Variants in CLDN14 observed in about 807,000 individuals in gnomAD.
The protein encoded by CLDN14 is claudin-14.
A neutral mutation model predicts 2.1 loss-of-function variants in CLDN14; 2 were observed. The observed-to-expected ratio is 0.96, with a 90% CI of 0.39 to 3.01. The LOEUF is 3.01. CLDN14 is among the 30% of genes most tolerant of loss of function. The pLI is 0.09. For synonymous variants in CLDN14, 136 were observed against 154.4 expected (o/e 0.88, Z 0.88); for missense variants, 298 against 328.0 (o/e 0.91, Z 0.71).
At chr21:36,472,597 CTG>C (rs1219631869) in intron 1 of CLDN14, among the ~76,000 whole-genome samples, 1 of 152,198 alleles carries the variant, frequency 6.6e-6, no homozygotes, top group Non-Finnish European at 1.5e-5. Flanking sequence ...GAAGGCCAGA[CTG>C]GAACCAGAAA....
At chr21:36,523,781 G>GAGAGAGAGAGAGAGAGAAAGAAAGAA (rs1568868851) in intron 1 of CLDN14, among the ~76,000 whole-genome samples, 7 of 38,342 alleles carry the variant, frequency 1.8e-4, no homozygotes, top group African/African-American at 4.4e-4. Context: ...GAGAGAAAGA[G>GAGAGAGAGAGAGAGAGAAAGAAAGAA]AGAAAGAAAG....
At chr21:36,467,612 T>TG (rs2086662522) in intron 1 of CLDN14, among the ~76,000 whole-genome samples, 2 of 150,270 alleles carry the variant, frequency 1.3e-5, no homozygotes, top group African/African-American at 2.4e-5. Context: ...AAGGCGGTGG[T>TG]GGGGGGTGTC....
rs968366628 is a variant in CLDN14, at chr21:36,551,014, G to C, written c.-220+25397C>G. Reference sequence around the variant, plus strand: ...CACCAGGGGAAGGCCACGTGAAGAGGGAGGCAGAGACTGCAGTGACACAGC... The same window carrying C: ...CACCAGGGGAAGGCCACGTGAAGAGCGAGGCAGAGACTGCAGTGACACAGC... On this transcript the variant is annotated intron_variant, in intron 1 of 2. Transcript: ENST00000342108. The surrounding 1 kb of genome is among the most constrained non-coding windows in gnomAD (Gnocchi z 4.8). Among the ~76,000 whole-genome samples, 2 of 152,218 alleles carry C rather than the reference G, an allele frequency of 1.3e-5. No individual in the cohort carries two copies. The highest frequency in any genetic ancestry group is 2.9e-5 in the Non-Finnish European group (2 of 68,050).
intron 2 of CLDN14, among the ~76,000 whole-genome samples, chr21:36,501,227 A>G (rs2087089197): frequency 6.6e-6 from 1 of 151,412 alleles, no homozygotes. Flanking sequence ...GTATCTGCCC[A>G]GTTTATATCA....
chr21:36,467,394 C>A (rs537594020), intron 1 of CLDN14, among the ~76,000 whole-genome samples: 1 of 152,242 alleles, frequency 6.6e-6, no homozygotes, highest in Admixed American at 6.5e-5. Flanking sequence ...GTCTTGACTG[C>A]CTGGGGTCCC....
chr21:36,508,455 G>A (rs1308341191), intron 2 of CLDN14, among the ~76,000 whole-genome samples: 2 of 152,324 alleles, frequency 1.3e-5, no homozygotes, highest in South Asian at 4.1e-4. Flanking sequence ...TGACCAAGGG[G>A]ATTTGAAAAC....
At position 36,498,687 on chromosome 21, in the gene CLDN14, C is replaced by A. The variant is rs1382658241; in HGVS notation, c.-82+11676G>T. On this transcript the variant is annotated intron_variant, in intron 2 of 2. Coordinates refer to the CLDN14 transcript ENST00000342108. The surrounding 1 kb of genome is among the most constrained non-coding windows in gnomAD (Gnocchi z 4.9). ...AAATGAACATAGGATCTGGCTGTGG[C>A]AGACAGCAGCCTACAGAAAGGTGGG... Among the ~76,000 whole-genome samples the A allele has an allele frequency of 3.3e-5, 5 of 152,170 alleles. No homozygotes were observed. In the East Asian group the frequency reaches 9.6e-4, roughly 29 times the overall value.
chr21:36,549,430 G>A (rs944178797), intron 1 of CLDN14, among the ~76,000 whole-genome samples: 1 of 152,188 alleles, frequency 6.6e-6, no homozygotes, highest in African/African-American at 2.4e-5. Context: ...GAGAAGGAGC[G>A]TGTGGCCCCC....
intron 2 of CLDN14, among the ~76,000 whole-genome samples, chr21:36,504,855 T>C (rs916765167): frequency 6.6e-6 from 1 of 152,148 alleles, no homozygotes; most frequent in African/African-American, 2.4e-5. Context: ...TGGTACCCTG[T>C]ACCCATGAGT....
At chr21:36,476,614 G>A (rs1316649085) in intron 1 of CLDN14, among the ~76,000 whole-genome samples, 1 of 152,160 alleles carries the variant, frequency 6.6e-6, no homozygotes, top group African/African-American at 2.4e-5. Context: ...TACCATGTCT[G>A]GCTAATTTTT....
At chr21:36,493,833 T>C (rs892572783) in intron 2 of CLDN14, among the ~76,000 whole-genome samples, 3 of 152,058 alleles carry the variant, frequency 2.0e-5, no homozygotes, top group Non-Finnish European at 4.4e-5. Flanking sequence ...CACGCTGGGA[T>C]TCCTCACAGC....
upstream of CLDN14, among the ~76,000 whole-genome samples, chr21:36,482,784 C>A (rs184109768): frequency 1.3e-5 from 2 of 152,144 alleles, no homozygotes; most frequent in Non-Finnish European, 2.9e-5. Flanking sequence ...GTGAAAGTCA[C>A]GACGCTTCCA....
intron 1 of CLDN14, among the ~76,000 whole-genome samples, chr21:36,517,337 C>T (rs1266556844): frequency 1.3e-5 from 2 of 152,140 alleles, no homozygotes; most frequent in Non-Finnish European, 2.9e-5. Context: ...CCATAGAGTC[C>T]CAAAGCCTAA....
At chr21:36,465,930 C>T (rs2086640338) in intron 1 of CLDN14, among the ~76,000 whole-genome samples, 1 of 152,104 alleles carries the variant, frequency 6.6e-6, no homozygotes, top group South Asian at 2.1e-4. Flanking sequence ...TTCACAAAAC[C>T]CCAAAAGTAC....
rs371380662 is a variant in CLDN14 at position 36,487,038 on chromosome 21, G to T, written c.-82+23325C>A. Reference sequence around the variant, plus strand: ...CTTGCTCTGTCACCTAGGCTGGTGTGCAATGGCGCAATCTCAGCTCACTGC... The same window carrying T: ...CTTGCTCTGTCACCTAGGCTGGTGTTCAATGGCGCAATCTCAGCTCACTGC... On this transcript the variant is annotated intron_variant, in intron 2 of 2. Coordinates refer to the CLDN14 transcript ENST00000342108. 9.1e-5 allele frequency: 24 copies of T among 264,520 alleles called. No individual in the cohort carries two copies. In the East Asian group the frequency reaches 2.1e-3, roughly 24 times the overall value. The allele number at this position is 264,520 out of a possible 1,614,324, so 16.4% of individuals were successfully genotyped here. A position where few individuals can be genotyped will look rare whatever the true frequency, so the allele number is the denominator to read the frequency against.
intron 1 of CLDN14, among the ~76,000 whole-genome samples, chr21:36,556,787 T>C (rs1184416937): frequency 1.3e-5 from 2 of 152,208 alleles, no homozygotes; most frequent in Non-Finnish European, 2.9e-5. Flanking sequence ...TCTCTCTCTA[T>C]CTTTTGGTGG....
intron 1 of CLDN14, among the ~76,000 whole-genome samples, chr21:36,468,389 C>T (rs2086671792): frequency 6.6e-6 from 1 of 152,034 alleles, no homozygotes; most frequent in Non-Finnish European, 1.5e-5. Flanking sequence ...CCAGCCTGGC[C>T]AACATGATGA....
intron 2 of CLDN14, chr21:36,486,482 CCAAATT>C: frequency 2.6e-6 from 4 of 1,554,622 alleles, no homozygotes; most frequent in Non-Finnish European, 3.6e-6. Flanking sequence ...GGGATCTACT[CCAAATT>C]CAAAGTCACT....
chr21:36,559,101 T>C (rs888724655), intron 1 of CLDN14, among the ~76,000 whole-genome samples: 1 of 152,328 alleles, frequency 6.6e-6, no homozygotes, highest in South Asian at 2.1e-4. Flanking sequence ...CTGTTGAGTA[T>C]GTTAGCTGTA....
Sources: allele counts gnomAD v4.1 joint callset (sites outside exome capture counted in the v4.1 genomes callset), GRCh38; gene constraint gnomAD v4.1.1; non-coding constraint Gnocchi (gnomAD v3.1); transcripts MANE v1.5; gene names NCBI Gene and HGNC (gene_info 2026-07-23, HGNC 2026-07-21).